CLCN1: variants seen among roughly 807,000 people sequenced by gnomAD.
The protein encoded by CLCN1 is chloride channel protein 1.
Under a neutral mutation model 114.5 loss-of-function variants are expected in CLCN1, and 100 were observed. The ratio of observed to expected loss-of-function variants is 0.87; its 90% CI spans 0.74 to 1.03. The LOEUF is 1.03. Among genes scored for constraint, CLCN1 ranks in the 50% least tolerant of loss-of-function variants. CLCN1 has a pLI of 0.00. For missense variants in CLCN1, 1,188 were observed against 1,250.0 expected, an observed-to-expected ratio of 0.95 and a Z score of 0.75; for synonymous variants, 485 against 487.1, an observed-to-expected ratio of 1.00 and a Z score of 0.06.
chr7:143,321,181 C>T lies in CLCN1; in HGVS notation c.434-184C>T, dbSNP rs1802420722. Among the ~76,000 whole-genome samples the T allele has an allele frequency of 6.6e-6, 1 of 152,222 alleles. No individual in the cohort carries two copies. Among genetic ancestry groups the T allele is most frequent in the Admixed American group, 6.5e-5 (1 of 15,290 alleles). On this transcript the variant is annotated intron_variant, in intron 3 of 22. Coordinates refer to ENST00000343257, the MANE Select transcript of CLCN1 (RefSeq NM_000083.3). The surrounding 1 kb of genome is among the most constrained non-coding windows in gnomAD (Gnocchi z 4.2). Reference sequence around the variant, plus strand: ...CCAGTGGGATTCGTGACACAGCCACCAACTGGAACAGGCCATGTCGCCTCC... The same window carrying T: ...CCAGTGGGATTCGTGACACAGCCACTAACTGGAACAGGCCATGTCGCCTCC...
intron 1 of CLCN1, among the ~76,000 whole-genome samples, chr7:143,319,048 A>G (rs1027670875): frequency 6.6e-6 from 1 of 152,094 alleles, no homozygotes; most frequent in Non-Finnish European, 1.5e-5. Flanking sequence ...CCACACAGAC[A>G]CACGTGCTCT....
In CLCN1 at chr7:143,350,931, C is replaced by T. The variant is rs1299644401; in HGVS notation, c.2595+277C>T. On this transcript the variant is annotated intron_variant, in intron 22 of 22. Coordinates refer to ENST00000343257, the MANE Select transcript of CLCN1 (RefSeq NM_000083.3). This position sits in a 1 kb window ranked among gnomAD's most constrained non-coding sequence, Gnocchi z 5.1. ...TAGCTGGGATTACAGGCGCCCGCTACCACACCCGCTAATTTTTTGTATTTT... is the reference window on the plus strand; with the variant it reads ...TAGCTGGGATTACAGGCGCCCGCTATCACACCCGCTAATTTTTTGTATTTT... Among the ~76,000 whole-genome samples, 1 of 152,112 alleles carries T rather than the reference C, an allele frequency of 6.6e-6. No homozygotes were observed. Among genetic ancestry groups the T allele is most frequent in the East Asian group, 1.9e-4 (1 of 5,194 alleles).
intron 20 of CLCN1, among the ~76,000 whole-genome samples, chr7:143,349,195 C>T (rs945445597): frequency 2.6e-5 from 4 of 152,288 alleles, no homozygotes; most frequent in Admixed American, 6.5e-5. Context: ...GTCTAGCCCC[C>T]GTCCTATACC....
intron 1 of CLCN1, 63 bp from the exon 2 acceptor site, chr7:143,319,692 C>T (rs1008562180): frequency 5.8e-6 from 9 of 1,556,646 alleles, no homozygotes; most frequent in Non-Finnish European, 8.0e-6. Context: ...TGTCTGCTGG[C>T]CTCTGTCTAT....
At chr7:143,320,565 C>CTG in intron 2 of CLCN1, 99 bp from the exon 3 acceptor site, 4 of 731,682 alleles carry the variant, frequency 5.5e-6, no homozygotes, top group Non-Finnish European at 6.6e-6. Context: ...CTCTCTCTCT[C>CTG]TCTCTCTCTC....
Position 143,323,371 on chromosome 7 carries a change from C to T in CLCN1, c.759C>T (p.Phe253=). The stretch of plus-strand genomic sequence containing the variant: ...TCCTCAGCAAATTCATGTCTGTGTT[C>T]TGCGGGGTATATGAGGTAAGGTTGA... The part of the protein sequence containing the change: ...AAVLSKFMSV[F]CGVYEQPYYY... Residue 253 remains phenylalanine, a synonymous_variant, in exon 6 of 23, where the codon TTC becomes TTT. Coordinates refer to ENST00000343257, the MANE Select transcript of CLCN1 (RefSeq NM_000083.3). 1 of 1,612,834 alleles carries T rather than the reference C, an allele frequency of 6.2e-7. No homozygotes were observed. Among genetic ancestry groups the T allele is most frequent in the Non-Finnish European group, 8.5e-7 (1 of 1,178,936 alleles).
rs566080451 is a variant in CLCN1, at chr7:143,321,728, C to T, written c.576C>T (p.Pro192=). 17 of 1,614,244 alleles carry T rather than the reference C, an allele frequency of 1.1e-5. No individual in the cohort carries two copies. The highest frequency in any genetic ancestry group is 5.3e-5 in the African/African-American group (4 of 75,062). ...ISPQAVGSGI[P]EMKTILRGVV... ...CAACGCTTTTAGGCTCTGGAATCCC[C>T]GAAATGAAGACAATACTTCGTGGGG... Residue 192 remains proline, a synonymous_variant, in exon 5 of 23, where the codon CCC becomes CCT. Coordinates refer to ENST00000343257, the MANE Select transcript of CLCN1 (RefSeq NM_000083.3). The surrounding 1 kb of genome is among the most constrained non-coding windows in gnomAD (Gnocchi z 4.2).
chr7:143,343,045 A>T (rs1299987430), intron 16 of CLCN1, among the ~76,000 whole-genome samples: 1 of 152,246 alleles, frequency 6.6e-6, no homozygotes, highest in Admixed American at 6.5e-5. Context: ...TAGGAAAAAT[A>T]CAGGGCTGTG....
In CLCN1 at chr7:143,328,028, A is replaced by T. The variant is rs547567276; in HGVS notation, c.854-2744A>T. On this transcript the variant is annotated intron_variant, in intron 7 of 22. Transcript: ENST00000343257. Reference sequence around the variant, plus strand: ...AACACCCAGATTTCCTACAAGGGCAATTGGGTCGATAGTGGTGTTAGTAAC... The same window carrying T: ...AACACCCAGATTTCCTACAAGGGCATTTGGGTCGATAGTGGTGTTAGTAAC... Among the ~76,000 whole-genome samples the T allele has an allele frequency of 2.0e-5, 3 of 152,282 alleles. No homozygotes were observed. The East Asian group carries it at 5.8e-4, about 29-fold the overall frequency.
chr7:143,351,882 C>A lies in CLCN1; in HGVS notation c.2884C>A (p.Leu962Met). 1 of 1,614,068 alleles carries A rather than the reference C, an allele frequency of 6.2e-7. No individual in the cohort carries two copies. The highest frequency in any genetic ancestry group is 8.5e-7 in the Non-Finnish European group (1 of 1,179,984). Residue 962 changes from leucine (L) to methionine (M), a missense_variant, in exon 23 of 23, where the codon CTG (leucine) becomes ATG (methionine). Leu to Met is a conservative substitution (Grantham distance 15, BLOSUM62 2). Coordinates refer to ENST00000343257, the MANE Select transcript of CLCN1 (RefSeq NM_000083.3). The stretch of plus-strand genomic sequence containing the variant: ...GCTGGAGCTGGTGGAGAGTCCAGGG[C>A]TGGAAGAGGAGCTGGCCGACATCTT... ...EELELVESPG[L>M]EEELADILQG...
chr7:143,346,714 G>A (rs1325342080), intron 19 of CLCN1, 56 bp downstream of exon 19: 1 of 1,449,712 alleles, frequency 6.9e-7, no homozygotes, highest in Non-Finnish European at 9.7e-7. Flanking sequence ...CTTGAAGAGT[G>A]AGAAACCCAC....
chr7:143,317,460 G>A (rs1174324877), intron 1 of CLCN1, among the ~76,000 whole-genome samples: 2 of 152,010 alleles, frequency 1.3e-5, no homozygotes, highest in East Asian at 3.9e-4. Context: ...TGTTGGCCAG[G>A]CTGTCTCGAA....
chr7:143,351,821 C>T lies in CLCN1; in HGVS notation c.2823C>T (p.Ser941=). Reference sequence around the variant, plus strand: ...CTCCTTCCCCAGAGCCCCCTCTCTCCCTGGCCCCAGGCAAGGTAGAGGGCG... The same window carrying T: ...CTCCTTCCCCAGAGCCCCCTCTCTCTCTGGCCCCAGGCAAGGTAGAGGGCG... ...VPSPSPEPPL[S]LAPGKVEGEL... Residue 941 remains serine (S), a synonymous_variant, in exon 23 of 23, where the codon TCC becomes TCT. Coordinates refer to ENST00000343257, the MANE Select transcript of CLCN1 (RefSeq NM_000083.3). 4 of 1,614,036 alleles carry T rather than the reference C, an allele frequency of 2.5e-6. No individual in the cohort carries two copies. In the South Asian group the frequency reaches 3.3e-5, roughly 13 times the overall value.
chr7:143,344,579 C>T (rs949390101), intron 16 of CLCN1, among the ~76,000 whole-genome samples: 20 of 152,040 alleles, frequency 1.3e-4, no homozygotes, highest in Non-Finnish European at 2.9e-4. Flanking sequence ...AAATGAGGGG[C>T]AAGGTTTTCA....
At position 143,321,634 on chromosome 7, in the gene CLCN1, A is replaced by G. The variant is rs1802437356; in HGVS notation, c.563-81A>G. ...ACCACTGCCTCTTCAGCCCTCTCCA[A>G]TTCCCATTCCCATATTCTGGACATT... On this transcript the variant is annotated intron_variant, in intron 4 of 22. Coordinates refer to ENST00000343257, the MANE Select transcript of CLCN1 (RefSeq NM_000083.3). This position sits in a 1 kb window ranked among gnomAD's most constrained non-coding sequence, Gnocchi z 4.2. 3.7e-6 allele frequency: 6 copies of G among 1,607,818 alleles called. No individual in the cohort carries two copies. The South Asian group carries it at 6.6e-5, about 18-fold the overall frequency.
In CLCN1 at chr7:143,339,355, G is replaced by A. The variant is rs370015489; in HGVS notation, c.1471+33G>A. 85 of 1,539,024 alleles carry A rather than the reference G, an allele frequency of 5.5e-5. No homozygotes were observed. The highest frequency in any genetic ancestry group is 7.4e-5 in the Non-Finnish European group (82 of 1,111,840). ...CTGATGGGAAGCCTGGGGTCTGACTGAGAGTTGCAATCTAGGATACAGGAA... is the reference window on the plus strand; with the variant it reads ...CTGATGGGAAGCCTGGGGTCTGACTAAGAGTTGCAATCTAGGATACAGGAA... On this transcript the variant is annotated intron_variant, in intron 13 of 22. Transcript: ENST00000343257. This position sits in a 1 kb window ranked among gnomAD's most constrained non-coding sequence, Gnocchi z 4.1.
intron 1 of CLCN1, among the ~76,000 whole-genome samples, chr7:143,316,996 T>C (rs933731542): frequency 6.6e-6 from 1 of 152,130 alleles, no homozygotes; most frequent in African/African-American, 2.4e-5. Flanking sequence ...AGGGCAGAGA[T>C]GTGATCCCAG....
Position 143,342,408 on chromosome 7 carries a change from T to G in CLCN1, c.1833T>G (p.Arg611=). ...TCTTTGTTGAGGACATCATGGTACGTGATGTGAAGTTTGTTTCAGCTTCTT... is the reference window on the plus strand; with the variant it reads ...TCTTTGTTGAGGACATCATGGTACGGGATGTGAAGTTTGTTTCAGCTTCTT... ...YTIFVEDIMV[R]DVKFVSASYT... The change falls in exon 16 of 23, where the codon CGT becomes CGG. Residue 611 remains arginine, a synonymous_variant. Transcript: ENST00000343257. 1 of 1,614,164 alleles carries G rather than the reference T, an allele frequency of 6.2e-7. No individual in the cohort carries two copies. The highest frequency in any genetic ancestry group is 8.5e-7 in the Non-Finnish European group (1 of 1,180,020).
chr7:143,345,469 G>A (rs530146879), intron 16 of CLCN1, 52 bp from the exon 17 acceptor site: 3 of 1,485,164 alleles, frequency 2.0e-6, no homozygotes, highest in Non-Finnish European at 2.7e-6. Flanking sequence ...GGAGCGCGGT[G>A]GTGCGAGAGG....
Sources: gnomAD v4.1 joint callset for allele counts (sites outside exome capture counted in the v4.1 genomes callset) on GRCh38, gnomAD v4.1.1 for gene constraint, Gnocchi (gnomAD v3.1) non-coding constraint, MANE v1.5 for transcripts, NCBI Gene and HGNC (gene_info 2026-07-23, HGNC 2026-07-21) for gene names.